The following GRIK2 variants were observed in gnomAD, a reference collection of about 807,000 sequenced individuals.
GRIK2 encodes glutamate ionotropic receptor kainate type subunit 2, also known as glutamate receptor ionotropic, kainate 2.
In GRIK2, 32 loss-of-function variants were observed where a neutral mutation model predicts 100.3. The observed-to-expected ratio is 0.32, with a 90% CI of 0.24 to 0.43. GRIK2 has a LOEUF of 0.43. Among genes scored for constraint, GRIK2 ranks in the 20% least tolerant of loss-of-function variants. The probability of loss-of-function intolerance (pLI) is 1.00; values close to 1 mark genes in which losing one functional copy is unlikely to be tolerated. For synonymous variants in GRIK2, 417 were observed against 389.4 expected, an observed-to-expected ratio of 1.07 and a Z score of -0.83; for missense variants, 843 against 1,114.9, an observed-to-expected ratio of 0.76 and a Z score of 3.47.
chr6:101,667,280 T>C (rs1265071501), intron 4 of GRIK2, among the ~76,000 whole-genome samples: 1 of 152,112 alleles, frequency 6.6e-6, no homozygotes, highest in East Asian at 1.9e-4. Context: ...TGAGCATTTC[T>C]GGTATGGAAG....
At chr6:101,885,368 G>T (rs770552932) in intron 11 of GRIK2, among the ~76,000 whole-genome samples, 8 of 152,028 alleles carry the variant, frequency 5.3e-5, no homozygotes, top group African/African-American at 1.7e-4. Context: ...CAACAGAAAT[G>T]GATATGATAT....
intron 2 of GRIK2, among the ~76,000 whole-genome samples, chr6:101,540,248 G>C (rs1186753722): frequency 6.6e-6 from 1 of 151,810 alleles, no homozygotes; most frequent in Admixed American, 6.6e-5. Context: ...GCCAGTGTCA[G>C]TTTAAGTTTA....
chr6:101,811,994 AAAAC>A (rs1440591746), intron 9 of GRIK2, among the ~76,000 whole-genome samples: 10 of 151,694 alleles, frequency 6.6e-5, no homozygotes, highest in Admixed American at 6.6e-4. Flanking sequence ...ACATTCCTGA[AAAAC>A]AAAACCTATA....
chr6:101,695,601 A>T (rs1273723219), intron 7 of GRIK2, among the ~76,000 whole-genome samples: 1 of 152,128 alleles, frequency 6.6e-6, no homozygotes, highest in South Asian at 2.1e-4. Context: ...TGGTCACAGT[A>T]TTAATAGGAT....
intron 14 of GRIK2, among the ~76,000 whole-genome samples, chr6:101,988,174 C>T (rs1005609834): frequency 6.9e-5 from 10 of 144,858 alleles, no homozygotes; most frequent in Admixed American, 1.4e-4. Flanking sequence ...CATGCAAGAG[C>T]ATTCTCATGA....
At chr6:101,456,954 T>C (rs921367141) in intron 2 of GRIK2, among the ~76,000 whole-genome samples, 3 of 152,154 alleles carry the variant, frequency 2.0e-5, no homozygotes, top group Non-Finnish European at 2.9e-5. Context: ...GGAGGCTGCC[T>C]AAACAGAGTG....
At chr6:101,595,783 C>T (rs904220167) in intron 2 of GRIK2, among the ~76,000 whole-genome samples, 5 of 149,086 alleles carry the variant, frequency 3.4e-5, no homozygotes, top group African/African-American at 7.4e-5. Context: ...GAGTCTCCAA[C>T]TCCTTGAATC....
chr6:102,000,316 G>C (rs1232887678), intron 14 of GRIK2, among the ~76,000 whole-genome samples: 1 of 145,136 alleles, frequency 6.9e-6, no homozygotes, highest in Non-Finnish European at 1.5e-5. Context: ...ACACATGCAG[G>C]TCTGTTACAT....
chr6:101,663,201 T>A (rs1333301622), intron 4 of GRIK2, among the ~76,000 whole-genome samples: 1 of 152,132 alleles, frequency 6.6e-6, no homozygotes, highest in Non-Finnish European at 1.5e-5. Context: ...AACAGCAGCA[T>A]CCTGGGACAT....
At chr6:101,775,909 A>G (rs1778720053) in intron 7 of GRIK2, among the ~76,000 whole-genome samples, 1 of 152,028 alleles carries the variant, frequency 6.6e-6, no homozygotes, top group South Asian at 2.1e-4. Context: ...CTAAAAATTC[A>G]TATATTTTTA....
At chr6:101,886,820 C>CTTTTTTTTTT (rs3054431) in intron 11 of GRIK2, among the ~76,000 whole-genome samples, 1 of 73,310 alleles carries the variant, frequency 1.4e-5, no homozygotes, top group Non-Finnish European at 2.5e-5. Context: ...TTCTTTCTAC[C>CTTTTTTTTTT]TTTTTTTTTT....
At chr6:101,804,872 A>G (rs1780890843) in intron 9 of GRIK2, among the ~76,000 whole-genome samples, 1 of 151,968 alleles carries the variant, frequency 6.6e-6, no homozygotes, top group Non-Finnish European at 1.5e-5. Context: ...TTCCATTTTG[A>G]CAGACTTGAT....
intron 12 of GRIK2, among the ~76,000 whole-genome samples, chr6:101,909,379 T>TTTTG (rs1262456592): frequency 1.2e-5 from 1 of 81,984 alleles, no homozygotes; most frequent in African/African-American, 3.2e-5. Context: ...GGGTTTTCTT[T>TTTTG]TTCTTTTTTT....
At chr6:101,727,221 G>A (rs1774932512) in intron 7 of GRIK2, among the ~76,000 whole-genome samples, 1 of 152,008 alleles carries the variant, frequency 6.6e-6, no homozygotes, top group African/African-American at 2.4e-5. Flanking sequence ...TGAACCTTAT[G>A]AGACTATTAA....
Position 101,789,702 on chromosome 6 carries a change from G to T in GRIK2, c.952-9946G>T, listed in dbSNP as rs540548946. ...TTGGCGATGCGGGCTCTTTTTTGGTGCCGTATGAACTTTAAAGTAGTTTTT... is the reference window on the plus strand; with the variant it reads ...TTGGCGATGCGGGCTCTTTTTTGGTTCCGTATGAACTTTAAAGTAGTTTTT... On this transcript the variant is annotated intron_variant, in intron 7 of 16. Coordinates refer to ENST00000369134, the MANE Select transcript of GRIK2 (RefSeq NM_021956.5). 2.1e-3 allele frequency among the ~76,000 whole-genome samples: 322 copies of T among 152,044 alleles called. 2 individuals carry two copies. Among genetic ancestry groups the T allele is most frequent in the Admixed American group, 5.6e-3 (85 of 15,238 alleles).
intron 5 of GRIK2, 37 bp downstream of exon 5, chr6:101,676,841 T>C (rs1212366653): frequency 1.6e-6 from 2 of 1,252,186 alleles, no homozygotes; most frequent in Admixed American, 2.1e-5. Flanking sequence ...GTTTTCTTCA[T>C]AAACTTGCAC....
In GRIK2 at chr6:101,719,933, AAGAG is replaced by A. The variant is rs543860453; in HGVS notation, c.951+33586_951+33589del. On this transcript the variant is annotated intron_variant, in intron 7 of 16. Coordinates refer to ENST00000369134, the MANE Select transcript of GRIK2 (RefSeq NM_021956.5). ...GGTCATACATTTTCTTTCAAAAAGA[AAGAG>A]AGAGAAAAAAGATGAGAGAGAAAGA... 4.6e-3 allele frequency among the ~76,000 whole-genome samples: 705 copies of A among 152,140 alleles called. 7 individuals carry two copies. The highest frequency in any genetic ancestry group is 0.027 in the Middle Eastern group (8 of 294).
intron 4 of GRIK2, among the ~76,000 whole-genome samples, chr6:101,640,512 C>A (rs553112044): frequency 6.6e-6 from 1 of 152,106 alleles, no homozygotes; most frequent in Non-Finnish European, 1.5e-5. Flanking sequence ...AGATTGCTAA[C>A]CTGGAGAATT....
intron 5 of GRIK2, among the ~76,000 whole-genome samples, chr6:101,681,326 G>A (rs1045501022): frequency 6.6e-6 from 1 of 151,836 alleles, no homozygotes; most frequent in Non-Finnish European, 1.5e-5. Flanking sequence ...GGGAGCTCAC[G>A]TGACCCTCTC....
Sources: gnomAD v4.1 joint callset for allele counts (sites outside exome capture counted in the v4.1 genomes callset) on GRCh38, gnomAD v4.1.1 for gene constraint, MANE v1.5 for transcripts, NCBI Gene and HGNC (gene_info 2026-07-23, HGNC 2026-07-21) for gene names.